Variants in SKOR2 observed in about 807,000 individuals in gnomAD.
SKOR2 encodes LBX1 corepressor 1-like protein.
A neutral mutation model predicts 69.1 loss-of-function variants in SKOR2; 47 were observed. The ratio of observed to expected loss-of-function variants is 0.68; its 90% CI spans 0.54 to 0.87. SKOR2 has a LOEUF of 0.87. Among genes scored for constraint, SKOR2 ranks in the 40% least tolerant of loss-of-function variants. The probability of loss-of-function intolerance (pLI) is 0.00; values close to 1 mark genes in which losing one functional copy is unlikely to be tolerated. For missense variants in SKOR2, 1,404 were observed against 1,472.2 expected, an observed-to-expected ratio of 0.95 and a Z score of 0.76; for synonymous variants, 717 against 672.6, an observed-to-expected ratio of 1.07 and a Z score of -1.02.
At chr18:47,214,160 A>G (rs533612743) in intron 7 of SKOR2, among the ~76,000 whole-genome samples, 2 of 152,334 alleles carry the variant, frequency 1.3e-5, no homozygotes, top group African/African-American at 4.8e-5. Context: ...ACCATGGGCC[A>G]TCTCATTAGA....
At chr18:47,232,563 T>C (rs1474447751) in intron 4 of SKOR2, among the ~76,000 whole-genome samples, 1 of 152,136 alleles carries the variant, frequency 6.6e-6, no homozygotes, top group Non-Finnish European at 1.5e-5. Context: ...TTTCACCCCA[T>C]CCCTCCTCTG....
chr18:47,232,850 G>A lies in SKOR2; in HGVS notation c.2753-1850C>T, dbSNP rs1223522377. Among the ~76,000 whole-genome samples, 4 of 152,292 alleles carry A rather than the reference G, an allele frequency of 2.6e-5. No individual in the cohort carries two copies. The East Asian group carries it at 5.8e-4, about 22-fold the overall frequency. On this transcript the variant is annotated intron_variant, in intron 4 of 8. Coordinates refer to ENST00000425639, the MANE Select transcript of SKOR2 (RefSeq NM_001278063.4). ...CCCTCAGCAAAAACCAAAATGTAAT[G>A]GCCCTGGGCACTTGTAGAAGTACGG...
intron 4 of SKOR2, among the ~76,000 whole-genome samples, chr18:47,237,440 G>T (rs2064228804): frequency 6.6e-6 from 1 of 152,168 alleles, no homozygotes; most frequent in Non-Finnish European, 1.5e-5. Context: ...CCAAACGAAT[G>T]GTCAGGTGAC....
intron 7 of SKOR2, among the ~76,000 whole-genome samples, chr18:47,215,893 A>AGCATG (rs2064142549): frequency 6.6e-6 from 1 of 152,218 alleles, no homozygotes; most frequent in African/African-American, 2.4e-5. Context: ...AAAATAAAAA[A>AGCATG]GCATGTCTTC....
At chr18:47,235,894 A>G (rs2064221152) in intron 4 of SKOR2, among the ~76,000 whole-genome samples, 1 of 152,082 alleles carries the variant, frequency 6.6e-6, no homozygotes, top group Admixed American at 6.5e-5. Flanking sequence ...AGAACCTGCA[A>G]TGGCTCCCTA....
rs2064300988 is a variant in SKOR2, at chr18:47,249,096, G to A, written c.88C>T (p.Arg30Trp). The change falls in exon 2 of 9, where the codon CGG becomes TGG. Residue 30 changes from arginine (R) to tryptophan (W), a missense_variant. Physicochemically the swap from Arg to Trp is moderately radical, Grantham distance 101. Coordinates refer to ENST00000425639, the MANE Select transcript of SKOR2 (RefSeq NM_001278063.4). ...AFQPDTLSQP[R>W]PGHANLKPNQ... ...GGTTTGAGGTTGGCGTGCCCTGGCC[G>A]CGGCTGGCTCAGCGTGTCGGGCTGG... The A allele has an allele frequency of 4.6e-6, 7 of 1,536,170 alleles. No homozygotes were observed. The highest frequency in any genetic ancestry group is 6.1e-6 in the Non-Finnish European group (7 of 1,146,926).
At chr18:47,238,742 T>C (rs1568088806) in intron 4 of SKOR2, among the ~76,000 whole-genome samples, 1 of 152,316 alleles carries the variant, frequency 6.6e-6, no homozygotes, top group South Asian at 2.1e-4. Flanking sequence ...GATGTTTCCA[T>C]AGTTTGTGCA....
At chr18:47,223,164 C>T (rs1031133038) in intron 6 of SKOR2, among the ~76,000 whole-genome samples, 1 of 152,032 alleles carries the variant, frequency 6.6e-6, no homozygotes, top group Non-Finnish European at 1.5e-5. Flanking sequence ...AAAGAATTAA[C>T]ATTTTAGTAT....
At chr18:47,243,737 C>G (rs2064258994) in intron 4 of SKOR2, among the ~76,000 whole-genome samples, 1 of 152,042 alleles carries the variant, frequency 6.6e-6, no homozygotes, top group Non-Finnish European at 1.5e-5. Context: ...TATGAATTTT[C>G]AAAGGATATA....
chr18:47,247,024 C>T lies in SKOR2; in HGVS notation c.2160G>A (p.Gly720=), dbSNP rs1278089761. 6.7e-7 allele frequency: 1 copy of T among 1,491,920 alleles called. No homozygotes were observed. The highest frequency in any genetic ancestry group is 1.3e-5 in the South Asian group (1 of 79,520). The allele number at this position is 1,491,920 out of a possible 1,614,324, so 92.4% of individuals were successfully genotyped here. The change falls in exon 2 of 9, where the codon GGG becomes GGA. Residue 720 remains glycine, a synonymous_variant. Transcript: ENST00000425639. This position sits in a 1 kb window ranked among gnomAD's most constrained non-coding sequence, Gnocchi z 6.6. ...CGCTGGGGTAGCAGCAGCTGGTTCC[C>T]CCGGGAGACAGAAGGCCTCGGTGGT... ...HPHHRGLLSP[G]GTSCCYPSED...
chr18:47,218,197 G>T (rs2064150111), intron 7 of SKOR2, among the ~76,000 whole-genome samples: 1 of 152,032 alleles, frequency 6.6e-6, no homozygotes, highest in Non-Finnish European at 1.5e-5. Flanking sequence ...AAGAAATACT[G>T]TTTCCTTTCC....
At chr18:47,236,384 T>G (rs1292398689) in intron 4 of SKOR2, among the ~76,000 whole-genome samples, 1 of 152,146 alleles carries the variant, frequency 6.6e-6, no homozygotes, top group Non-Finnish European at 1.5e-5. Flanking sequence ...TGCCCTCTCC[T>G]CTCTTTCTTG....
chr18:47,237,355 A>T lies in SKOR2; in HGVS notation c.2753-6355T>A, dbSNP rs546545167. Among the ~76,000 whole-genome samples, 5 of 152,366 alleles carry T rather than the reference A, an allele frequency of 3.3e-5. No individual in the cohort carries two copies. In the South Asian group the frequency reaches 1.0e-3, roughly 32 times the overall value. On this transcript the variant is annotated intron_variant, in intron 4 of 8. Transcript: ENST00000425639. The stretch of plus-strand genomic sequence containing the variant: ...TTTTAACCATGACCTGAAAATATTA[A>T]TTAGCGTATATGTCTACTGTAGCCT...
chr18:47,215,684 G>C lies in SKOR2; in HGVS notation c.2986-3533C>G, dbSNP rs138552173. Among the ~76,000 whole-genome samples, 48 of 152,144 alleles carry C rather than the reference G, an allele frequency of 3.2e-4. No individual in the cohort carries two copies. In the East Asian group the frequency reaches 9.1e-3, roughly 29 times the overall value. Reference sequence around the variant, plus strand: ...ATTGAGGCTTTTAATGAAGAACTTTGAGACCAATTCCCCCTAGCTGCGTGT... The same window carrying C: ...ATTGAGGCTTTTAATGAAGAACTTTCAGACCAATTCCCCCTAGCTGCGTGT... On this transcript the variant is annotated intron_variant, in intron 7 of 8. Transcript: ENST00000425639.
At chr18:47,231,251 T>C in intron 4 of SKOR2, 19 of 1,354,850 alleles carry the variant, frequency 1.4e-5, no homozygotes, top group Non-Finnish European at 1.8e-5. Flanking sequence ...TTCTTGAAGT[T>C]ATTCCCTCTC....
chr18:47,230,779 T>C (rs1378288629), intron 5 of SKOR2, among the ~76,000 whole-genome samples, 156 bp downstream of exon 5: 1 of 152,236 alleles, frequency 6.6e-6, no homozygotes, highest in African/African-American at 2.4e-5. Flanking sequence ...TTGATATGTA[T>C]GCATTAATCT....
Position 47,233,316 on chromosome 18 carries a change from G to A in SKOR2, c.2753-2316C>T, listed in dbSNP as rs902221522. 2.6e-5 allele frequency among the ~76,000 whole-genome samples: 4 copies of A among 152,044 alleles called. No individual in the cohort carries two copies. The East Asian group carries it at 7.7e-4, about 29-fold the overall frequency. On this transcript the variant is annotated intron_variant, in intron 4 of 8. Transcript: ENST00000425639. ...TCTCCATATAAAAAGAAAATAGAGA[G>A]GAAATATCTGTGAAGCATTTTAAAT...
In SKOR2 at chr18:47,248,764, T is replaced by G. The variant is rs769719353; in HGVS notation, c.420A>C (p.Pro140=). 1.3e-6 allele frequency: 2 copies of G among 1,549,996 alleles called. No homozygotes were observed. Among genetic ancestry groups the G allele is most frequent in the African/African-American group, 2.7e-5 (2 of 73,492 alleles). The change falls in exon 2 of 9, where the codon CCA becomes CCC. Residue 140 remains proline (P), a synonymous_variant. Transcript: ENST00000425639. The surrounding 1 kb of genome is among the most constrained non-coding windows in gnomAD (Gnocchi z 6.4). Reference sequence around the variant, plus strand: ...GTGACACGTCGAAGGCGAAATTGTCTGGCAGCTTGGGCGGCCTGTTTTCGC... The same window carrying G: ...GTGACACGTCGAAGGCGAAATTGTCGGGCAGCTTGGGCGGCCTGTTTTCGC... ...FLGENRPPKL[P]DNFAFDVSHE... is the part of the protein sequence containing the mutation.
chr18:47,244,989 CCAAAA>C lies in SKOR2; in HGVS notation c.2678-12_2678-8del. 6.5e-7 allele frequency: 1 copy of C among 1,532,598 alleles called. No homozygotes were observed. Among genetic ancestry groups the C allele is most frequent in the Non-Finnish European group, 8.7e-7 (1 of 1,145,406 alleles). The allele number at this position is 1,532,598 out of a possible 1,614,324, so 94.9% of individuals were successfully genotyped here. A position where few individuals can be genotyped will look rare whatever the true frequency, so the allele number is the denominator to read the frequency against. On this transcript the variant is annotated splice_region_variant and splice_polypyrimidine_tract_variant and intron_variant, in intron 3 of 8. Coordinates refer to ENST00000425639, the MANE Select transcript of SKOR2 (RefSeq NM_001278063.4). ...CTATGCTCCTTGTTCTTATCTAGAA[CCAAAA>C]CAAAACACAAAATCTGCAAGTGATC...
Sources: allele counts gnomAD v4.1 joint callset (sites outside exome capture counted in the v4.1 genomes callset), GRCh38; gene constraint gnomAD v4.1.1; non-coding constraint Gnocchi (gnomAD v3.1); transcripts MANE v1.5; gene names NCBI Gene and HGNC (gene_info 2026-07-23, HGNC 2026-07-21).